LRRCC1: variants seen among roughly 807,000 people sequenced by gnomAD.
The protein encoded by LRRCC1 is leucine-rich repeat and coiled-coil domain-containing protein 1.
LRRCC1 carries 115 observed loss-of-function variants against 126.0 expected under a neutral mutation model. The observed-to-expected ratio is 0.91, with a 90% CI of 0.78 to 1.07. The LOEUF (loss-of-function observed/expected upper bound fraction) is 1.07. Ranked by LOEUF, LRRCC1 falls within the 50% of genes least tolerant of loss-of-function variation. LRRCC1 has a pLI of 0.00. For missense variants in LRRCC1, 1,172 were observed against 1,175.7 expected, an observed-to-expected ratio of 1.00 and a Z score of 0.05; for synonymous variants, 400 against 393.4, an observed-to-expected ratio of 1.02 and a Z score of -0.20.
rs1809751497 is a variant in LRRCC1 at position 85,123,745 on chromosome 8, G to T, written c.1124+139G>T. On this transcript the variant is annotated intron_variant, in intron 7 of 18. Coordinates refer to ENST00000360375, the MANE Select transcript of LRRCC1 (RefSeq NM_033402.5). ...TTTTCAGCCTTGCAGGTTCTGATCT[G>T]GTCAGTACATTCATGTAAATGTATA... is the stretch of plus-strand genomic sequence containing the variant. 19 of 613,676 alleles carry T rather than the reference G, an allele frequency of 3.1e-5. 1 individual carries two copies. In the South Asian group the frequency reaches 5.0e-4, roughly 16 times the overall value. The allele number at this position is 613,676 out of a possible 1,614,324, so 38.0% of individuals were successfully genotyped here.
At chr8:85,136,048 C>A in intron 14 of LRRCC1, 85 bp downstream of exon 14, 1 of 1,176,158 alleles carries the variant, frequency 8.5e-7, no homozygotes, top group Middle Eastern at 2.2e-4. Context: ...AGACTCAACT[C>A]TGCCTAAAGA....
At chr8:85,144,213 A>G (rs1811461463) in intron 18 of LRRCC1, among the ~76,000 whole-genome samples, 1 of 151,930 alleles carries the variant, frequency 6.6e-6, no homozygotes, top group Non-Finnish European at 1.5e-5. Flanking sequence ...TTCTTTGGGG[A>G]GGGAGGTTAT....
chr8:85,121,034 G>A (rs1219243544), intron 6 of LRRCC1, among the ~76,000 whole-genome samples: 1 of 152,146 alleles, frequency 6.6e-6, no homozygotes, highest in Non-Finnish European at 1.5e-5. Context: ...AAGTAACTGC[G>A]CCATTTTACA....
chr8:85,138,560 C>A, intron 17 of LRRCC1, 85 bp downstream of exon 17: 3 of 1,320,750 alleles, frequency 2.3e-6, no homozygotes, highest in Non-Finnish European at 3.1e-6. Flanking sequence ...GAGAGGAGGG[C>A]TAAAAATCAT....
intron 12 of LRRCC1, among the ~76,000 whole-genome samples, chr8:85,134,444 A>G (rs1216932061): frequency 6.6e-6 from 1 of 152,036 alleles, no homozygotes; most frequent in Non-Finnish European, 1.5e-5. Flanking sequence ...CAGCCTCCCA[A>G]GTAGCTGGGA....
intron 17 of LRRCC1, among the ~76,000 whole-genome samples, chr8:85,138,832 AT>A (rs1307188492): frequency 6.6e-6 from 1 of 151,994 alleles, no homozygotes; most frequent in Non-Finnish European, 1.5e-5. Context: ...ATCACCTGAG[AT>A]TAGGAGTTCA....
chr8:85,120,593 G>A (rs1809472900), intron 6 of LRRCC1, among the ~76,000 whole-genome samples: 1 of 152,122 alleles, frequency 6.6e-6, no homozygotes, highest in Admixed American at 6.5e-5. Context: ...CCTATTAGCA[G>A]TCATTACTCA....
Position 85,123,492 on chromosome 8 carries a change from A to T in LRRCC1, c.1010A>T (p.Tyr337Phe). 6.2e-7 allele frequency: 1 copy of T among 1,611,512 alleles called. No individual in the cohort carries two copies. Among genetic ancestry groups the T allele is most frequent in the Non-Finnish European group, 8.5e-7 (1 of 1,178,862 alleles). Residue 337 changes from tyrosine (Y) to phenylalanine (F), a missense_variant, in exon 7 of 19, where the codon TAT becomes TTT. Coordinates refer to ENST00000360375, the MANE Select transcript of LRRCC1 (RefSeq NM_033402.5). ...RDTDITSESD[Y>F]GNRKECNRKV... ...ACAGATATAACTTCTGAAAGTGACTATGGAAACAGAAAAGAATGCAATAGA... is the reference window on the plus strand; with the variant it reads ...ACAGATATAACTTCTGAAAGTGACTTTGGAAACAGAAAAGAATGCAATAGA...
intron 17 of LRRCC1, among the ~76,000 whole-genome samples, chr8:85,140,084 G>T (rs191592121): frequency 6.6e-6 from 1 of 152,028 alleles, no homozygotes; most frequent in Non-Finnish European, 1.5e-5. Context: ...TCTATAATTA[G>T]CCAAAAAAAA....
intron 9 of LRRCC1, among the ~76,000 whole-genome samples, chr8:85,128,389 A>G (rs2135965188): frequency 6.6e-6 from 1 of 151,878 alleles, no homozygotes; most frequent in South Asian, 2.1e-4. Flanking sequence ...TGAAAAATCA[A>G]TCTTTTCTGA....
intron 18 of LRRCC1, among the ~76,000 whole-genome samples, chr8:85,144,444 G>GTGTATATA (rs1234016200): frequency 8.7e-6 from 1 of 114,932 alleles, no homozygotes; most frequent in Admixed American, 9.9e-5. Context: ...GTGTGTGTGT[G>GTGTATATA]TATATATATA....
At chr8:85,130,982 T>C (rs1810421743) in intron 11 of LRRCC1, among the ~76,000 whole-genome samples, 2 of 152,242 alleles carry the variant, frequency 1.3e-5, no homozygotes. Context: ...TTCAACATTT[T>C]CAGTTTATCT....
intron 18 of LRRCC1, among the ~76,000 whole-genome samples, chr8:85,144,660 C>T (rs1351010712): frequency 1.4e-5 from 2 of 147,098 alleles, no homozygotes; most frequent in African/African-American, 4.9e-5. Context: ...GGCAGGGTTT[C>T]TCCATGTTGG....
chr8:85,114,401 A>G (rs1405724521), intron 4 of LRRCC1, among the ~76,000 whole-genome samples: 4 of 152,082 alleles, frequency 2.6e-5, no homozygotes, highest in African/African-American at 9.7e-5. Context: ...GATTTCTAAT[A>G]CTAATTTGCC....
chr8:85,143,280 C>T (rs943441288), intron 18 of LRRCC1, among the ~76,000 whole-genome samples: 6 of 151,844 alleles, frequency 4.0e-5, no homozygotes, highest in Admixed American at 2.6e-4. Context: ...GAGATCACAC[C>T]ATTGCACTCC....
chr8:85,112,105 G>T (rs991699773), intron 3 of LRRCC1, among the ~76,000 whole-genome samples: 1 of 152,010 alleles, frequency 6.6e-6, no homozygotes, highest in Non-Finnish European at 1.5e-5. Context: ...CAAGTGATCT[G>T]CCCACCTCAT....
At chr8:85,136,612 A>G (rs984543329) in intron 14 of LRRCC1, among the ~76,000 whole-genome samples, 14 of 152,178 alleles carry the variant, frequency 9.2e-5, no homozygotes, top group Non-Finnish European at 2.1e-4. Context: ...AGTTATTTGT[A>G]CAGTATACAC....
chr8:85,142,099 C>A (rs1191523510), intron 18 of LRRCC1, among the ~76,000 whole-genome samples: 2 of 152,004 alleles, frequency 1.3e-5, no homozygotes, highest in African/African-American at 4.8e-5. Context: ...ATCAAGACCA[C>A]CCTGGCCAAC....
chr8:85,126,872 T>C (rs1304091065), intron 9 of LRRCC1, 35 bp downstream of exon 9: 16 of 1,547,478 alleles, frequency 1.0e-5, no homozygotes, highest in Non-Finnish European at 1.4e-5. Context: ...AGATACCTCA[T>C]AGCATAAACA....
Sources: allele counts gnomAD v4.1 joint callset (sites outside exome capture counted in the v4.1 genomes callset), GRCh38; gene constraint gnomAD v4.1.1; transcripts MANE v1.5; gene names NCBI Gene and HGNC (gene_info 2026-07-23, HGNC 2026-07-21).